WDR25: variants seen among roughly 807,000 people sequenced by gnomAD.
WDR25 encodes the protein WD repeat-containing protein 25.
A neutral mutation model predicts 47.7 loss-of-function variants in WDR25; 35 were observed. That is an observed-to-expected ratio of 0.73 (90% confidence interval 0.56 to 0.97). The LOEUF is 0.97. Among genes scored for constraint, WDR25 ranks in the 50% least tolerant of loss-of-function variants. The pLI is 0.00. For missense variants in WDR25, 634 were observed against 704.7 expected, an observed-to-expected ratio of 0.90 and a Z score of 1.14; for synonymous variants, 248 against 278.9, an observed-to-expected ratio of 0.89 and a Z score of 1.10.
chr14:100,430,270 C>T lies in WDR25; in HGVS notation c.823-37751C>T, dbSNP rs576095380. 7.2e-4 allele frequency among the ~76,000 whole-genome samples: 110 copies of T among 152,120 alleles called. 1 individual carries two copies. The Middle Eastern group carries it at 0.01, about 14-fold the overall frequency. On this transcript the variant is annotated intron_variant, in intron 2 of 6. Coordinates refer to ENST00000402312, the MANE Select transcript of WDR25 (RefSeq NM_001161476.3). This position sits in a 1 kb window ranked among gnomAD's most constrained non-coding sequence, Gnocchi z 4.7. ...ACTGGAGATGAGCTCCACCTCTGCC[C>T]AGCCAGTCAGAGTCACCTCCGGACC...
At chr14:100,410,781 ATTTTTTT>A (rs560217272) in intron 2 of WDR25, among the ~76,000 whole-genome samples, 1 of 139,168 alleles carries the variant, frequency 7.2e-6, no homozygotes, top group African/African-American at 2.6e-5. Context: ...GTTTAAGCAG[ATTTTTTT>A]TTTTTTTTTT....
intron 4 of WDR25, among the ~76,000 whole-genome samples, chr14:100,513,996 C>T (rs1440005175): frequency 6.7e-5 from 10 of 149,858 alleles, no homozygotes; most frequent in Non-Finnish European, 1.3e-4. Flanking sequence ...AGTGCAGTGG[C>T]GCAATCTCGG....
intron 2 of WDR25, among the ~76,000 whole-genome samples, chr14:100,433,526 A>G (rs932265360): frequency 6.6e-6 from 1 of 152,264 alleles, no homozygotes; most frequent in African/African-American, 2.4e-5. Context: ...CTTTGAGACA[A>G]CATAAGTATC....
At chr14:100,389,343 G>C (rs983915838) in intron 2 of WDR25, among the ~76,000 whole-genome samples, 1 of 152,138 alleles carries the variant, frequency 6.6e-6, no homozygotes, top group Non-Finnish European at 1.5e-5. Flanking sequence ...AAAATCATAG[G>C]GTGGTCATTT....
chr14:100,458,796 C>T (rs941581476), intron 2 of WDR25, among the ~76,000 whole-genome samples: 6 of 152,148 alleles, frequency 3.9e-5, no homozygotes, highest in South Asian at 4.1e-4. Flanking sequence ...CTAAATAGCC[C>T]GTGGGTCAAT....
chr14:100,439,352 G>C (rs533110316), intron 2 of WDR25, among the ~76,000 whole-genome samples: 1 of 152,350 alleles, frequency 6.6e-6, no homozygotes, highest in Non-Finnish European at 1.5e-5. Flanking sequence ...GTGCATCACA[G>C]AGCTGATTCA....
intron 2 of WDR25, among the ~76,000 whole-genome samples, chr14:100,461,310 G>A (rs1350921495): frequency 6.6e-6 from 1 of 152,104 alleles, no homozygotes; most frequent in Non-Finnish European, 1.5e-5. Flanking sequence ...AGAATCCAAG[G>A]TCAATATCCA....
In WDR25 at chr14:100,508,400, A is replaced by G. The variant is rs562438989; in HGVS notation, c.1102-17470A>G. 3.9e-5 allele frequency among the ~76,000 whole-genome samples: 6 copies of G among 152,298 alleles called. No homozygotes were observed. The East Asian group carries it at 1.2e-3, about 29-fold the overall frequency. ...GCCTACTCTCACCATTCCTAATTCA[A>G]TGTAGTACTGGAAGTCCTAGCCAGA... On this transcript the variant is annotated intron_variant, in intron 4 of 6. Coordinates refer to ENST00000402312, the MANE Select transcript of WDR25 (RefSeq NM_001161476.3).
chr14:100,442,445 CT>C (rs1898699165), intron 2 of WDR25, among the ~76,000 whole-genome samples: 1 of 152,198 alleles, frequency 6.6e-6, no homozygotes, highest in Non-Finnish European at 1.5e-5. Context: ...CATTTCAGCA[CT>C]GAAATAGTGG....
intron 2 of WDR25, among the ~76,000 whole-genome samples, chr14:100,395,372 G>A (rs1032338962): frequency 3.3e-5 from 5 of 152,152 alleles, no homozygotes; most frequent in South Asian, 4.1e-4. Flanking sequence ...GAGAACCCAC[G>A]GCAGACTCTC....
chr14:100,414,179 G>A (rs998552844), intron 2 of WDR25, among the ~76,000 whole-genome samples: 1 of 151,918 alleles, frequency 6.6e-6, no homozygotes, highest in South Asian at 2.1e-4. Context: ...TGTATTTTTA[G>A]TAGAGACGAG....
At position 100,378,690 on chromosome 14, in the gene WDR25, G is replaced by A. The variant is rs1258306056; in HGVS notation, c.-16+2195G>A. Among the ~76,000 whole-genome samples, 77 of 85,584 alleles carry A rather than the reference G, an allele frequency of 9.0e-4. 36 individuals carry two copies. The highest frequency in any genetic ancestry group is 1.4e-4 in the Non-Finnish European group (4 of 29,348). The allele number at this position is 85,584 out of a possible 152,430, so 56.1% of individuals were successfully genotyped here. A position where few individuals can be genotyped will look rare whatever the true frequency, so the allele number is the denominator to read the frequency against. On this transcript the variant is annotated intron_variant, in intron 1 of 6. Coordinates refer to ENST00000402312, the MANE Select transcript of WDR25 (RefSeq NM_001161476.3). ...ATGTTCCAGGCAGGCCGGGCGCGGT[G>A]GCTCACGCCTGTAATCCCAGCACTT...
intron 3 of WDR25, among the ~76,000 whole-genome samples, chr14:100,469,661 T>G (rs1899763226): frequency 6.6e-6 from 1 of 152,238 alleles, no homozygotes. Flanking sequence ...TTGATGCCAC[T>G]TGATGATGGT....
In WDR25 at chr14:100,503,494, G is replaced by A. The variant is rs143009043; in HGVS notation, c.1101+19370G>A. ...AGCTGTACCTATTTAAAAGTGAGCC[G>A]TGAGGGCCACTTTGATAAGCTGGAT... On this transcript the variant is annotated intron_variant, in intron 4 of 6. Coordinates refer to ENST00000402312, the MANE Select transcript of WDR25 (RefSeq NM_001161476.3). Among the ~76,000 whole-genome samples the A allele has an allele frequency of 5.7e-3, 868 of 152,282 alleles. 11 individuals carry two copies. The highest frequency in any genetic ancestry group is 5.2e-3 in the Non-Finnish European group (355 of 68,018).
chr14:100,451,540 G>T (rs1387882130), intron 2 of WDR25, among the ~76,000 whole-genome samples: 2 of 152,216 alleles, frequency 1.3e-5, no homozygotes, highest in Non-Finnish European at 2.9e-5. Context: ...TACGTGAGCT[G>T]TTAGACTTAT....
chr14:100,431,076 C>G (rs1898318735), intron 2 of WDR25, among the ~76,000 whole-genome samples: 1 of 152,234 alleles, frequency 6.6e-6, no homozygotes, highest in Admixed American at 6.5e-5. Context: ...GCTAGCTAAT[C>G]TATCACTCTC....
At chr14:100,477,859 A>G (rs1900069014) in intron 3 of WDR25, among the ~76,000 whole-genome samples, 1 of 152,168 alleles carries the variant, frequency 6.6e-6, no homozygotes, top group South Asian at 2.1e-4. Flanking sequence ...TGGGAGGCCG[A>G]GGTGGGTGGA....
intron 2 of WDR25, among the ~76,000 whole-genome samples, chr14:100,436,216 G>A (rs1898495075): frequency 6.6e-6 from 1 of 152,140 alleles, no homozygotes; most frequent in African/African-American, 2.4e-5. Flanking sequence ...TTCCATATGA[G>A]TGCTTTGAGT....
chr14:100,505,443 T>A (rs1411364720), intron 4 of WDR25, among the ~76,000 whole-genome samples: 1 of 152,226 alleles, frequency 6.6e-6, no homozygotes, highest in East Asian at 1.9e-4. Context: ...TATTGATTGA[T>A]GTGTCTATCA....
Sources: gnomAD v4.1 joint callset for allele counts (sites outside exome capture counted in the v4.1 genomes callset) on GRCh38, gnomAD v4.1.1 for gene constraint, Gnocchi (gnomAD v3.1) non-coding constraint, MANE v1.5 for transcripts, NCBI Gene and HGNC (gene_info 2026-07-23, HGNC 2026-07-21) for gene names.